PLAA: variants seen among roughly 807,000 people sequenced by gnomAD.
The protein encoded by PLAA is phospholipase A2 activating protein, also known as phospholipase A-2-activating protein.
In PLAA, 48 loss-of-function variants were observed where a neutral mutation model predicts 84.1. The ratio of observed to expected loss-of-function variants is 0.57; its 90% CI spans 0.45 to 0.73. The LOEUF is 0.73. PLAA is among the 30% of genes least tolerant of loss of function. The pLI is 0.00. For synonymous variants in PLAA, 392 were observed against 336.6 expected (o/e 1.16, Z -1.80); for missense variants, 903 against 954.7 (o/e 0.95, Z 0.71).
At chr9:26,934,775 G>A (rs935888104) in intron 2 of PLAA, among the ~76,000 whole-genome samples, 6 of 151,948 alleles carry the variant, frequency 3.9e-5, no homozygotes, top group Admixed American at 1.3e-4. Flanking sequence ...CACCGCTCCC[G>A]GCCAATAACT....
chr9:26,920,156 TG>T, intron 8 of PLAA, 70 bp downstream of exon 8: 1 of 1,300,640 alleles, frequency 7.7e-7, no homozygotes, highest in Non-Finnish European at 1.1e-6. Context: ...TTTATCACTA[TG>T]GGGCAAAGGA....
At chr9:26,928,800 TGA>T (rs1357758826) in intron 2 of PLAA, among the ~76,000 whole-genome samples, 1 of 152,246 alleles carries the variant, frequency 6.6e-6, no homozygotes, top group Non-Finnish European at 1.5e-5. Context: ...TTCATGACAG[TGA>T]CCATAAAACC....
chr9:26,944,351 G>C (rs1029380379), intron 1 of PLAA, among the ~76,000 whole-genome samples: 2 of 152,094 alleles, frequency 1.3e-5, no homozygotes, highest in African/African-American at 4.8e-5. Flanking sequence ...ACACAAAAGA[G>C]AAGACATGTA....
chr9:26,928,465 GAA>G, intron 2 of PLAA, 57 bp from the exon 3 acceptor site: 2 of 1,184,736 alleles, frequency 1.7e-6, no homozygotes, highest in South Asian at 2.5e-5. Context: ...GCTCAACATT[GAA>G]AGTTACTAAA....
At chr9:26,946,828 G>C in intron 1 of PLAA, 69 bp downstream of exon 1, 1 of 1,474,654 alleles carries the variant, frequency 6.8e-7, no homozygotes, top group Non-Finnish European at 9.0e-7. Flanking sequence ...TGACAGGGAA[G>C]GGTCACTCTC....
chr9:26,941,305 G>A (rs1825532656), intron 1 of PLAA, among the ~76,000 whole-genome samples: 1 of 152,074 alleles, frequency 6.6e-6, no homozygotes, highest in African/African-American at 2.4e-5. Flanking sequence ...CATAAGGATA[G>A]TTGAGTCTTG....
chr9:26,906,130 G>T, intron 13 of PLAA, 54 bp from the exon 14 acceptor site: 1 of 1,166,496 alleles, frequency 8.6e-7, no homozygotes, highest in Non-Finnish European at 1.1e-6. Context: ...AATTTCTTTT[G>T]ACTATCGACT....
At chr9:26,936,990 A>C (rs1307621562) in intron 1 of PLAA, among the ~76,000 whole-genome samples, 3 of 151,974 alleles carry the variant, frequency 2.0e-5, no homozygotes, top group Admixed American at 2.0e-4. Context: ...AAAATACAAA[A>C]ATTAGCTGGG....
At chr9:26,918,288 A>AT (rs1185916022) in intron 9 of PLAA, among the ~76,000 whole-genome samples, 4,473 of 95,674 alleles carry the variant, frequency 0.047, 223 homozygotes, top group African/African-American at 0.14. Flanking sequence ...AATTTTTTGT[A>AT]TTTTTTTTTT....
At position 26,920,324 on chromosome 9, in the gene PLAA, C is replaced by T. The variant is rs1824721298; in HGVS notation, c.1100G>A (p.Trp367Ter). The change falls in exon 8 of 14, where the codon TGG becomes TAG. Residue 367 changes from tryptophan (W) to a stop codon, truncating the protein, a stop_gained. Transcript: ENST00000397292. LOFTEE classifies it high-confidence loss of function. ...TATCCACCTCCCTTCACTAACACTCCACTGATAGGCTTCGACTTTCTCCCC... is the reference window on the plus strand; with the variant it reads ...TATCCACCTCCCTTCACTAACACTCTACTGATAGGCTTCGACTTTCTCCCC... ...RDGEKVEAYQ[W>*]SVSEGRWIKI... 6.2e-7 allele frequency: 1 copy of T among 1,613,234 alleles called. No homozygotes were observed.
At chr9:26,945,645 A>G (rs1194252454) in intron 1 of PLAA, among the ~76,000 whole-genome samples, 1 of 152,226 alleles carries the variant, frequency 6.6e-6, no homozygotes, top group East Asian at 1.9e-4. Context: ...CACGGAAATC[A>G]GATCATGTTG....
chr9:26,918,995 T>G (rs890999450), intron 9 of PLAA, among the ~76,000 whole-genome samples: 3 of 152,210 alleles, frequency 2.0e-5, no homozygotes, highest in African/African-American at 4.8e-5. Context: ...AAAAAAAGAT[T>G]TACTAAATTT....
intron 1 of PLAA, among the ~76,000 whole-genome samples, chr9:26,942,473 T>C (rs930716675): frequency 3.9e-5 from 6 of 152,188 alleles, no homozygotes; most frequent in African/African-American, 1.2e-4. Context: ...CAGTGATAAA[T>C]ACATAGTAAG....
At chr9:26,918,234 T>C (rs12002260) in intron 9 of PLAA, among the ~76,000 whole-genome samples, 30,751 of 151,288 alleles carry the variant, frequency 0.2, 3,695 homozygotes, top group African/African-American at 0.33. Context: ...GCCTCAGTTT[T>C]CCAAGGAGCT....
chr9:26,919,881 C>T (rs1220751876), intron 8 of PLAA, among the ~76,000 whole-genome samples: 2 of 152,048 alleles, frequency 1.3e-5, no homozygotes, highest in African/African-American at 4.8e-5. Flanking sequence ...TAAGCACTGC[C>T]CTGCAGGGTC....
At chr9:26,940,462 CAT>C (rs1469525761) in intron 1 of PLAA, among the ~76,000 whole-genome samples, 1 of 152,156 alleles carries the variant, frequency 6.6e-6, no homozygotes, top group East Asian at 1.9e-4. Flanking sequence ...ATCATACAGA[CAT>C]AAAGTAGAAT....
At chr9:26,943,530 G>C (rs1052533150) in intron 1 of PLAA, among the ~76,000 whole-genome samples, 1 of 152,104 alleles carries the variant, frequency 6.6e-6, no homozygotes, top group African/African-American at 2.4e-5. Flanking sequence ...ATTTGAAGTT[G>C]AATCAGTGGT....
At chr9:26,924,531 T>A (rs1272440590) in intron 6 of PLAA, among the ~76,000 whole-genome samples, 1 of 152,174 alleles carries the variant, frequency 6.6e-6, no homozygotes, top group Non-Finnish European at 1.5e-5. Context: ...TGCCTTTTTT[T>A]CTATCATTTT....
rs1424570733 is a variant in PLAA at position 26,903,960 on chromosome 9, GGTTAAATTC to G, written c.*1542_*1550del. The G allele has an allele frequency of 3.3e-5, 5 of 153,600 alleles. No homozygotes were observed. The highest frequency in any genetic ancestry group is 1.2e-4 in the African/African-American group (5 of 41,400). 9.5% of individuals were successfully genotyped at this position (153,600 alleles called of 1,614,324 possible). A position where few individuals can be genotyped will look rare whatever the true frequency, so the allele number is the denominator to read the frequency against. On this transcript the variant is annotated 3_prime_UTR_variant, in exon 14 of 14. Transcript: ENST00000397292. ...ATTGTAAAGGAACCAGCCAGACCTG[GGTTAAATTC>G]CTAATTTTGCCATTTAACTTTGACA...
Sources: allele counts gnomAD v4.1 joint callset (sites outside exome capture counted in the v4.1 genomes callset), GRCh38; gene constraint gnomAD v4.1.1; transcripts MANE v1.5; gene names NCBI Gene and HGNC (gene_info 2026-07-23, HGNC 2026-07-21).